ALG12: variants seen among roughly 807,000 people sequenced by gnomAD.
The protein encoded by ALG12 is ALG12 alpha-1,6-mannosyltransferase, also known as dol-P-Man:Man(7)GlcNAc(2)-PP-Dol alpha-1,6-mannosyltransferase.
A neutral mutation model predicts 46.0 loss-of-function variants in ALG12; 36 were observed. The observed-to-expected ratio is 0.78, with a 90% confidence interval of 0.60 to 1.03. The LOEUF (loss-of-function observed/expected upper bound fraction) is 1.03. Ranked by LOEUF, ALG12 falls within the 50% of genes least tolerant of loss-of-function variation. The pLI is 0.00. For synonymous variants in ALG12, 326 were observed against 291.6 expected (o/e 1.12, Z -1.20); for missense variants, 599 against 633.5 (o/e 0.95, Z 0.58).
chr22:49,882,237 G>C, the ALG12 span, among the ~76,000 whole-genome samples: 2 of 152,150 alleles, frequency 1.3e-5, no homozygotes, highest in African/African-American at 4.8e-5. Flanking sequence ...CCACTTTCTG[G>C]CATGCCCAGT....
chr22:49,861,864 G>A, the ALG12 span, among the ~76,000 whole-genome samples: 1,646 of 152,272 alleles, frequency 0.011, 42 homozygotes, highest in African/African-American at 0.036. Context: ...TGTGTTTCTG[G>A]TGAGGACTGT....
At chr22:49,881,477 T>C in the ALG12 span, among the ~76,000 whole-genome samples, 2 of 152,200 alleles carry the variant, frequency 1.3e-5, no homozygotes, top group African/African-American at 2.4e-5. Flanking sequence ...CCTCAAACTT[T>C]TGGGTTCAAA....
At chr22:49,859,322 G>A in the ALG12 span, among the ~76,000 whole-genome samples, 3 of 152,078 alleles carry the variant, frequency 2.0e-5, no homozygotes, top group Non-Finnish European at 4.4e-5. Flanking sequence ...TGAGTATCAA[G>A]GTGGACTAGT....
chr22:49,915,519 T>C (rs553933703), intron 1 of ALG12, among the ~76,000 whole-genome samples: 1 of 152,210 alleles, frequency 6.6e-6, no homozygotes, highest in Non-Finnish European at 1.5e-5. Context: ...ATCACACCAC[T>C]GAAATCCAGT....
At chr22:49,879,648 TA>T in the ALG12 span, among the ~76,000 whole-genome samples, 1 of 118,118 alleles carries the variant, frequency 8.5e-6, no homozygotes, top group Non-Finnish European at 1.9e-5. Flanking sequence ...GGCGTGTTTC[TA>T]TTGGTTGGTT....
At chr22:49,890,467 TA>T in the ALG12 span, among the ~76,000 whole-genome samples, 2 of 152,340 alleles carry the variant, frequency 1.3e-5, no homozygotes, top group South Asian at 4.1e-4. Context: ...GCAGCCTTTT[TA>T]ACATTATTAA....
Position 49,907,933 on chromosome 22 carries a change from C to T in ALG12, c.780G>A (p.Leu260=). The T allele has an allele frequency of 1.2e-6, 2 of 1,612,710 alleles. No homozygotes were observed. Among genetic ancestry groups the T allele is most frequent in the Non-Finnish European group, 1.7e-6 (2 of 1,179,898 alleles). ...GCAGGGCTGAGTAGAAGTACCACAG[C>T]AGCGGGGAGGTCTGCGGGCTGGGTT... ...NKSSNWGTSP[L]LWYFYSALPR... is the part of the protein sequence containing the mutation. Residue 260 remains leucine (L), a synonymous_variant, in exon 7 of 10, where the codon CTG becomes CTA. Transcript: ENST00000330817.
At chr22:49,874,200 TC>T in the ALG12 span, among the ~76,000 whole-genome samples, 1 of 152,188 alleles carries the variant, frequency 6.6e-6, no homozygotes, top group African/African-American at 2.4e-5. Flanking sequence ...ACTCACTCTT[TC>T]ACTGATGAGT....
chr22:49,869,249 T>C, the ALG12 span, among the ~76,000 whole-genome samples: 1 of 151,954 alleles, frequency 6.6e-6, no homozygotes, highest in Non-Finnish European at 1.5e-5. Context: ...CACACATGCA[T>C]GTTGGTGTGT....
chr22:49,898,316 T>C (rs2060491692), downstream of ALG12, among the ~76,000 whole-genome samples: 1 of 152,170 alleles, frequency 6.6e-6, no homozygotes. Context: ...CCCAGTTCTT[T>C]ATCAGATATG....
chr22:49,881,331 A>G, the ALG12 span, among the ~76,000 whole-genome samples: 1 of 152,254 alleles, frequency 6.6e-6, no homozygotes, highest in African/African-American at 2.4e-5. Context: ...AGCCTGGGCG[A>G]CAGAGTGATC....
In ALG12 at chr22:49,901,710, T is replaced by C. The variant is rs1192183841; in HGVS notation, c.*2128A>G. Reference sequence around the variant, plus strand: ...CATCTGTGCATTGTGTGTGGATGCATGTGTGGTGTGTATGCATGGTGTGCA... The same window carrying C: ...CATCTGTGCATTGTGTGTGGATGCACGTGTGGTGTGTATGCATGGTGTGCA... On this transcript the variant is annotated 3_prime_UTR_variant, in exon 10 of 10. Coordinates refer to ENST00000330817, the MANE Select transcript of ALG12 (RefSeq NM_024105.4). The C allele has an allele frequency of 2.3e-5, 3 of 130,050 alleles. No homozygotes were observed. The highest frequency in any genetic ancestry group is 1.1e-4 in the African/African-American group (3 of 27,722). 8.1% of individuals were successfully genotyped at this position (130,050 alleles called of 1,614,324 possible).
chr22:49,895,657 T>TA (rs59138053), downstream of ALG12, among the ~76,000 whole-genome samples: 537 of 125,610 alleles, frequency 4.3e-3, 1 homozygote, highest in African/African-American at 4.9e-3. Context: ...ATCTCAAAAA[T>TA]AAAAAAAAAA....
the ALG12 span, among the ~76,000 whole-genome samples, chr22:49,878,811 A>G: frequency 1.5e-4 from 23 of 152,084 alleles, no homozygotes; most frequent in Non-Finnish European, 2.9e-4. Context: ...CAGCCTGGCA[A>G]ACATGCTGAA....
At chr22:49,896,282 C>T (rs761948290), downstream of ALG12, among the ~76,000 whole-genome samples, 4 of 152,264 alleles carry the variant, frequency 2.6e-5, no homozygotes, top group Non-Finnish European at 5.9e-5. Flanking sequence ...AATCTCTCCC[C>T]GTGAGATGCT....
downstream of ALG12, among the ~76,000 whole-genome samples, chr22:49,897,377 T>A (rs2147568323): frequency 6.6e-6 from 1 of 152,320 alleles, no homozygotes; most frequent in East Asian, 1.9e-4. Context: ...GGTAAGAGTA[T>A]GCTTAGTTCT....
At chr22:49,898,880 G>A (rs553039825), downstream of ALG12, among the ~76,000 whole-genome samples, 8 of 152,178 alleles carry the variant, frequency 5.3e-5, no homozygotes, top group South Asian at 1.7e-3. Context: ...AGCCTCTCTA[G>A]TAGCTGGAAC....
At position 49,901,766 on chromosome 22, in the gene ALG12, G is replaced by C. The variant is rs2060508024; in HGVS notation, c.*2072C>G. On this transcript the variant is annotated 3_prime_UTR_variant, in exon 10 of 10. Coordinates refer to ENST00000330817, the MANE Select transcript of ALG12 (RefSeq NM_024105.4). Reference sequence around the variant, plus strand: ...ATTGTGCATGCGTGGTGTATGCATGGTAATGTGCACGTGTGCACTGTGTGT... The same window carrying C: ...ATTGTGCATGCGTGGTGTATGCATGCTAATGTGCACGTGTGCACTGTGTGT... The C allele has an allele frequency of 6.9e-6, 1 of 144,564 alleles. No homozygotes were observed. Among genetic ancestry groups the C allele is most frequent in the Admixed American group, 6.8e-5 (1 of 14,734 alleles). 9.0% of individuals were successfully genotyped at this position (144,564 alleles called of 1,614,324 possible).
intron 5 of ALG12, 49 bp downstream of exon 5, chr22:49,909,845 C>G (rs980970965): frequency 1.2e-6 from 2 of 1,611,372 alleles, no homozygotes; most frequent in African/African-American, 1.3e-5. Flanking sequence ...CTTTGTAAAA[C>G]AAGGCAAAAC....
Sources: allele counts gnomAD v4.1 joint callset (sites outside exome capture counted in the v4.1 genomes callset), GRCh38; gene constraint gnomAD v4.1.1; transcripts MANE v1.5; gene names NCBI Gene and HGNC (gene_info 2026-07-23, HGNC 2026-07-21).